FCHSD2: variants seen among roughly 807,000 people sequenced by gnomAD.
The protein encoded by FCHSD2 is FCH and double SH3 domains 2, also known as F-BAR and double SH3 domains protein 2.
Under a neutral mutation model 108.1 loss-of-function variants are expected in FCHSD2, and 38 were observed. The ratio of observed to expected loss-of-function variants is 0.35; its 90% CI spans 0.27 to 0.46. FCHSD2 has a LOEUF of 0.46. Ranked by LOEUF, FCHSD2 falls within the 20% of genes least tolerant of loss-of-function variation. FCHSD2 has a pLI of 1.00. For missense variants in FCHSD2, 751 were observed against 897.8 expected, an observed-to-expected ratio of 0.84 and a Z score of 2.09; for synonymous variants, 279 against 314.7, an observed-to-expected ratio of 0.89 and a Z score of 1.20.
Position 72,927,086 on chromosome 11 carries a change from A to ATCTT in FCHSD2, c.706-5137_706-5136insAAGA, listed in dbSNP as rs1362832578. 2.0e-5 allele frequency among the ~76,000 whole-genome samples: 3 copies of ATCTT among 152,206 alleles called. No homozygotes were observed. In the East Asian group the frequency reaches 5.8e-4, roughly 29 times the overall value. On this transcript the variant is annotated intron_variant, in intron 8 of 19. Transcript: ENST00000409418. ...CTTAACAATTCACAAGCACAAAACA[A>ATCTT]ATGTATTTCAGTCTTGCCCTCTCTT...
At chr11:72,985,959 T>C (rs1367886961) in intron 6 of FCHSD2, among the ~76,000 whole-genome samples, 1 of 152,170 alleles carries the variant, frequency 6.6e-6, no homozygotes, top group Non-Finnish European at 1.5e-5. Context: ...GAGAATTCAA[T>C]ACATGTGTTG....
In FCHSD2 at chr11:72,838,858, G is replaced by C. The variant is rs779305377; in HGVS notation, c.2156C>G (p.Pro719Arg). Reference protein sequence around the residue: ...GKLRPVRAAPPPPTQNHRRPA... With the variant: ...GKLRPVRAAPRPPTQNHRRPA... The stretch of plus-strand genomic sequence containing the variant: ...CCTTCGGTGATTCTGTGTAGGTGGA[G>C]GGGGAGCTGCCCGGACCTGAGCAGG... Residue 719 changes from proline to arginine, a missense_variant, in exon 20 of 20, where the codon CCT becomes CGT. Coordinates refer to ENST00000409418, the MANE Select transcript of FCHSD2 (RefSeq NM_014824.3). 2.2e-5 allele frequency: 35 copies of C among 1,607,372 alleles called. No homozygotes were observed. Among genetic ancestry groups the C allele is most frequent in the Admixed American group, 3.4e-5 (2 of 59,104 alleles).
At chr11:72,974,116 T>G (rs1426860423) in intron 8 of FCHSD2, among the ~76,000 whole-genome samples, 2 of 151,722 alleles carry the variant, frequency 1.3e-5, no homozygotes, top group Non-Finnish European at 2.9e-5. Context: ...CATTTTCTGT[T>G]GCTATAACAG....
intron 8 of FCHSD2, among the ~76,000 whole-genome samples, chr11:72,968,306 C>T (rs764583205): frequency 3.3e-5 from 5 of 152,174 alleles, no homozygotes; most frequent in Non-Finnish European, 7.3e-5. Context: ...AGATCTTTGC[C>T]TTTTAATTTG....
chr11:73,036,287 G>A (rs961362251), intron 3 of FCHSD2, among the ~76,000 whole-genome samples: 5 of 151,132 alleles, frequency 3.3e-5, no homozygotes, highest in African/African-American at 7.3e-5. Flanking sequence ...ATGTGTGAAG[G>A]GTAAGAAACA....
At chr11:72,996,394 C>A (rs1857519773) in intron 5 of FCHSD2, among the ~76,000 whole-genome samples, 1 of 152,066 alleles carries the variant, frequency 6.6e-6, no homozygotes, top group Non-Finnish European at 1.5e-5. Flanking sequence ...CACAATATTT[C>A]AAGGATGGTA....
At chr11:73,101,595 C>T (rs1860227036) in intron 2 of FCHSD2, among the ~76,000 whole-genome samples, 2 of 151,938 alleles carry the variant, frequency 1.3e-5, no homozygotes, top group South Asian at 4.1e-4. Context: ...ACATACCATG[C>T]CCAGCTAATT....
chr11:73,044,458 T>C (rs1018863368), intron 3 of FCHSD2, among the ~76,000 whole-genome samples: 7 of 152,130 alleles, frequency 4.6e-5, no homozygotes, highest in African/African-American at 1.7e-4. Flanking sequence ...CACACACCTA[T>C]AGTCCTAGCT....
intron 2 of FCHSD2, among the ~76,000 whole-genome samples, chr11:73,084,016 T>A (rs973954516): frequency 5.3e-5 from 8 of 152,208 alleles, no homozygotes; most frequent in Non-Finnish European, 8.8e-5. Context: ...AAAATGGGGA[T>A]AATAACAGTA....
intron 2 of FCHSD2, among the ~76,000 whole-genome samples, chr11:73,119,221 T>C (rs943415389): frequency 6.6e-6 from 1 of 151,456 alleles, no homozygotes; most frequent in African/African-American, 2.4e-5. Flanking sequence ...AAGATTGCTT[T>C]GAGTCTGGGA....
intron 8 of FCHSD2, among the ~76,000 whole-genome samples, chr11:72,958,299 C>T (rs1256071444): frequency 6.6e-6 from 1 of 152,174 alleles, no homozygotes; most frequent in Non-Finnish European, 1.5e-5. Flanking sequence ...AGGCGGATCA[C>T]TTGAGGTCAG....
chr11:72,979,312 T>C (rs1176355941), intron 8 of FCHSD2, among the ~76,000 whole-genome samples: 1 of 151,754 alleles, frequency 6.6e-6, no homozygotes. Flanking sequence ...TGAAGAAGTC[T>C]CCCAAAAAGT....
At chr11:72,920,499 G>C (rs1356263546) in intron 9 of FCHSD2, among the ~76,000 whole-genome samples, 43 of 152,174 alleles carry the variant, frequency 2.8e-4, no homozygotes, top group Non-Finnish European at 5.9e-5. Context: ...CCAGCACTTT[G>C]AGAGGCAAGG....
chr11:73,140,140 C>G lies in FCHSD2; in HGVS notation c.22-12G>C. The G allele has an allele frequency of 1.4e-6, 2 of 1,439,660 alleles. No individual in the cohort carries two copies. The highest frequency in any genetic ancestry group is 1.9e-6 in the Non-Finnish European group (2 of 1,064,414). The allele number at this position is 1,439,660 out of a possible 1,614,324, so 89.2% of individuals were successfully genotyped here. A position where few individuals can be genotyped will look rare whatever the true frequency, so the allele number is the denominator to read the frequency against. On this transcript the variant is annotated splice_polypyrimidine_tract_variant and intron_variant, in intron 1 of 19. Transcript: ENST00000409418. The stretch of plus-strand genomic sequence containing the variant: ...TGTGTAACTTTCACCTAAAATATAC[C>G]ATATATTTATGAAGGTCTTTTTACA...
intron 8 of FCHSD2, among the ~76,000 whole-genome samples, chr11:72,932,624 T>C (rs773639904): frequency 9.2e-5 from 14 of 152,236 alleles, no homozygotes; most frequent in Non-Finnish European, 1.3e-4. Flanking sequence ...CTCACTCTTA[T>C]CAGCCTTAGT....
intron 5 of FCHSD2, among the ~76,000 whole-genome samples, chr11:72,996,659 A>T (rs888168047): frequency 2.0e-5 from 3 of 152,218 alleles, no homozygotes; most frequent in East Asian, 1.9e-4. Context: ...GAAAATCTTT[A>T]AAAAAACATG....
At chr11:73,128,854 C>T (rs1318616002) in intron 2 of FCHSD2, among the ~76,000 whole-genome samples, 2 of 152,072 alleles carry the variant, frequency 1.3e-5, no homozygotes, top group Non-Finnish European at 2.9e-5. Context: ...AAGAATAAGT[C>T]AGGCTATAAT....
chr11:73,087,462 T>C (rs1859847227), intron 2 of FCHSD2, among the ~76,000 whole-genome samples: 1 of 152,064 alleles, frequency 6.6e-6, no homozygotes, highest in South Asian at 2.1e-4. Context: ...TCCCAGCATT[T>C]TGGGAGGCCA....
At chr11:72,870,899 CAAAAAA>C (rs55827213) in intron 12 of FCHSD2, among the ~76,000 whole-genome samples, 1 of 77,018 alleles carries the variant, frequency 1.3e-5, no homozygotes, top group Non-Finnish European at 2.3e-5. Flanking sequence ...GACTCCGTCT[CAAAAAA>C]AAAAAAAAAA....
Sources: gnomAD v4.1 joint callset for allele counts (sites outside exome capture counted in the v4.1 genomes callset) on GRCh38, gnomAD v4.1.1 for gene constraint, MANE v1.5 for transcripts, NCBI Gene and HGNC (gene_info 2026-07-23, HGNC 2026-07-21) for gene names.